OSBPL2: variants seen among roughly 807,000 people sequenced by gnomAD.
OSBPL2 encodes oxysterol-binding protein-related protein 2.
A neutral mutation model predicts 58.4 loss-of-function variants in OSBPL2; 18 were observed. The observed-to-expected ratio is 0.31, with a 90% CI of 0.21 to 0.46. The LOEUF is 0.46. Among genes scored for constraint, OSBPL2 ranks in the 20% least tolerant of loss-of-function variants. OSBPL2 has a pLI of 1.00. For synonymous variants in OSBPL2, 221 were observed against 234.1 expected, an observed-to-expected ratio of 0.94 and a Z score of 0.51; for missense variants, 461 against 616.5, an observed-to-expected ratio of 0.75 and a Z score of 2.67.
At position 62,288,762 on chromosome 20, in the gene OSBPL2, G is replaced by T. The variant is rs1983304852; in HGVS notation, c.1126-445G>T. ...TACCCTAAGCATTCCAGTTGTTAAT[G>T]TGACAAATTAACTTGCTCCAGGGCT... is the stretch of plus-strand genomic sequence containing the variant. On this transcript the variant is annotated intron_variant, in intron 11 of 13. Coordinates refer to ENST00000313733, the MANE Select transcript of OSBPL2 (RefSeq NM_144498.4). This position sits in a 1 kb window ranked among gnomAD's most constrained non-coding sequence, Gnocchi z 4.8. Among the ~76,000 whole-genome samples the T allele has an allele frequency of 6.6e-6, 1 of 152,178 alleles. No homozygotes were observed. Among genetic ancestry groups the T allele is most frequent in the South Asian group, 2.1e-4 (1 of 4,834 alleles).
chr20:62,271,859 G>A (rs1049179215), intron 4 of OSBPL2: 18 of 415,628 alleles, frequency 4.3e-5, no homozygotes, highest in Admixed American at 1.7e-4. Context: ...ATGGGGCGGT[G>A]GGCTGGGGAG....
rs143116125 is a variant in OSBPL2 at position 62,260,071 on chromosome 20, G to T, written c.128G>T (p.Arg43Met). The T allele has an allele frequency of 1.1e-4, 183 of 1,613,880 alleles. No individual in the cohort carries two copies. The highest frequency in any genetic ancestry group is 1.5e-4 in the Non-Finnish European group (177 of 1,179,916). ...MIDLDTSKNN[R>M]IGKTGERPSQ... is the part of the protein sequence containing the mutation. ...GACTTAGACACCAGCAAAAATAATAGGATTGGGAAAACTGGGGAGAGGCCC... is the reference window on the plus strand; with the variant it reads ...GACTTAGACACCAGCAAAAATAATATGATTGGGAAAACTGGGGAGAGGCCC... The change falls in exon 3 of 14, where the codon AGG becomes ATG. Residue 43 changes from arginine (R) to methionine (M), a missense_variant. By Grantham distance (91) the Arg-to-Met change is moderately conservative. Transcript: ENST00000313733.
At position 62,281,113 on chromosome 20, in the gene OSBPL2, A is replaced by G. The variant is rs1382162226; in HGVS notation, c.730A>G (p.Ile244Val). 11 of 1,614,086 alleles carry G rather than the reference A, an allele frequency of 6.8e-6. No individual in the cohort carries two copies. The highest frequency in any genetic ancestry group is 1.3e-5 in the African/African-American group (1 of 74,942). Residue 244 changes from isoleucine to valine, a missense_variant, in exon 8 of 14, where the codon ATC becomes GTC. Physicochemically the swap from Ile to Val is conservative, Grantham distance 29. Around this residue, in one of 5 missense-constraint regions of OSBPL2, gnomAD observed 319 missense variants for 419.2 expected, o/e 0.76. Transcript: ENST00000313733. ...NPTCCVHNVI[I>V]GKLWIEQYGT... is the part of the protein sequence containing the mutation. ...CACCTGCTGCGTCCACAACGTCATC[A>G]TCGGGAAGCTGTGGATAGAGCAGTA...
chr20:62,289,430 T>C, intron 12 of OSBPL2, 100 bp downstream of exon 12: 1 of 1,395,562 alleles, frequency 7.2e-7, no homozygotes, highest in Non-Finnish European at 9.7e-7. Flanking sequence ...GGCTCTCGCC[T>C]ACAAGGGGAG....
chr20:62,275,075 G>C (rs1322190064), intron 6 of OSBPL2, among the ~76,000 whole-genome samples: 1 of 152,138 alleles, frequency 6.6e-6, no homozygotes, highest in African/African-American at 2.4e-5. Context: ...TAGCTGGCTG[G>C]GCTCACGCCT....
intron 4 of OSBPL2, among the ~76,000 whole-genome samples, chr20:62,268,219 C>T (rs1981823750): frequency 6.6e-6 from 1 of 152,064 alleles, no homozygotes; most frequent in Non-Finnish European, 1.5e-5. Flanking sequence ...TTTAAAACCA[C>T]CTGGGTGCTT....
chr20:62,257,365 C>T (rs760360007), intron 2 of OSBPL2, among the ~76,000 whole-genome samples: 39 of 152,232 alleles, frequency 2.6e-4, no homozygotes, highest in Non-Finnish European at 4.6e-4. Flanking sequence ...TTATCCAAAA[C>T]CCCAGGAGAA....
intron 12 of OSBPL2, among the ~76,000 whole-genome samples, chr20:62,290,411 G>GTTTTTTTTTTTTTT (rs3065795): frequency 1.3e-5 from 1 of 76,376 alleles, no homozygotes; most frequent in Non-Finnish European, 2.3e-5. Context: ...AATTTTTTGG[G>GTTTTTTTTTTTTTT]TTTTTTTTTT....
intron 2 of OSBPL2, 48 bp from the exon 3 acceptor site, chr20:62,259,933 A>G (rs1981182672): frequency 6.3e-7 from 1 of 1,588,314 alleles, no homozygotes; most frequent in African/African-American, 1.4e-5. Flanking sequence ...AGGCTTTTAA[A>G]AAATCTTTCA....
intron 2 of OSBPL2, among the ~76,000 whole-genome samples, chr20:62,257,514 T>C (rs1160075191): frequency 6.6e-6 from 1 of 152,164 alleles, no homozygotes; most frequent in Non-Finnish European, 1.5e-5. Flanking sequence ...AACTCATCCA[T>C]GGTGGTTCTG....
At position 62,252,556 on chromosome 20, in the gene OSBPL2, C is replaced by T. The variant is rs1351240349; in HGVS notation, c.-128-3501C>T. On this transcript the variant is annotated intron_variant, in intron 1 of 13. Coordinates refer to ENST00000313733, the MANE Select transcript of OSBPL2 (RefSeq NM_144498.4). ...GAGGCCAGCTCTGCTGGGCGAGGTG[C>T]CAGGGGTCCGGGTGCTGCTGCTGAG... is the stretch of plus-strand genomic sequence containing the variant. 5.3e-5 allele frequency among the ~76,000 whole-genome samples: 8 copies of T among 152,200 alleles called. 1 individual carries two copies. The highest frequency in any genetic ancestry group is 4.4e-5 in the Non-Finnish European group (3 of 68,044).
chr20:62,265,136 A>G (rs953767336), intron 4 of OSBPL2, among the ~76,000 whole-genome samples: 1 of 152,126 alleles, frequency 6.6e-6, no homozygotes, highest in African/African-American at 2.4e-5. Context: ...TTTTACTGAA[A>G]TCATTCTAAT....
rs4925226 is a variant in OSBPL2, at chr20:62,284,430, A to G, written c.996+261A>G. On this transcript the variant is annotated intron_variant, in intron 10 of 13. Coordinates refer to ENST00000313733, the MANE Select transcript of OSBPL2 (RefSeq NM_144498.4). ...CTCCCTCTGTTGCCCAGGCTGGAGTACAGTGGTGCAGTCATAACTCACTGC... is the reference window on the plus strand; with the variant it reads ...CTCCCTCTGTTGCCCAGGCTGGAGTGCAGTGGTGCAGTCATAACTCACTGC... The G allele has an allele frequency of 0.99, 454,362 of 459,046 alleles. 224,980 individuals carry two copies. The highest frequency in any genetic ancestry group is 1 in the Non-Finnish European group (249,477 of 249,692). 28.4% of individuals were successfully genotyped at this position (459,046 alleles called of 1,614,324 possible). A position where few individuals can be genotyped will look rare whatever the true frequency, so the allele number is the denominator to read the frequency against.
At chr20:62,241,210 G>A (rs564800868) in intron 1 of OSBPL2, among the ~76,000 whole-genome samples, 5 of 151,242 alleles carry the variant, frequency 3.3e-5, no homozygotes, top group South Asian at 4.2e-4. Context: ...TCGCTCTGTC[G>A]CCCAGGCTGG....
In OSBPL2 at chr20:62,294,221, A is replaced by C. The variant is rs879594453; in HGVS notation, c.*334A>C. ...ACTCTCAGTCATAGCATGTGTAGCTAAAGGAAGTAATGGGAAGGGGTTCAT... is the reference window on the plus strand; with the variant it reads ...ACTCTCAGTCATAGCATGTGTAGCTCAAGGAAGTAATGGGAAGGGGTTCAT... On this transcript the variant is annotated 3_prime_UTR_variant, in exon 14 of 14. Coordinates refer to ENST00000313733, the MANE Select transcript of OSBPL2 (RefSeq NM_144498.4). 3 of 340,546 alleles carry C rather than the reference A, an allele frequency of 8.8e-6. No homozygotes were observed. Among genetic ancestry groups the C allele is most frequent in the African/African-American group, 2.2e-5 (1 of 46,058 alleles). The allele number at this position is 340,546 out of a possible 1,614,324, so 21.1% of individuals were successfully genotyped here.
At chr20:62,263,741 G>C in intron 4 of OSBPL2, 50 bp downstream of exon 4, 1 of 1,514,082 alleles carries the variant, frequency 6.6e-7, no homozygotes, top group African/African-American at 1.4e-5. Flanking sequence ...ACTGACTCCT[G>C]GGAAGGTATT....
chr20:62,267,702 G>A (rs1437441823), intron 4 of OSBPL2, among the ~76,000 whole-genome samples: 2 of 152,126 alleles, frequency 1.3e-5, no homozygotes, highest in Non-Finnish European at 2.9e-5. Context: ...CCAGTTTTCT[G>A]CAGCCCTGGC....
rs2145962492 is a variant in OSBPL2 at position 62,279,183 on chromosome 20, C to T, written c.518C>T (p.Ser173Leu). 1 of 1,612,986 alleles carries T rather than the reference C, an allele frequency of 6.2e-7. No homozygotes were observed. Among genetic ancestry groups the T allele is most frequent in the Non-Finnish European group, 8.5e-7 (1 of 1,179,460 alleles). Reference sequence around the variant, plus strand: ...GAAGATTTAGGATTCAGATTTATATCGGAACAGGTCAGTCACCACCCCCCC... The same window carrying T: ...GAAGATTTAGGATTCAGATTTATATTGGAACAGGTCAGTCACCACCCCCCC... ...IREDLGFRFI[S>L]EQVSHHPPIS... Residue 173 changes from serine (S) to leucine (L), a missense_variant, in exon 7 of 14, where the codon TCG (serine) becomes TTG (leucine). Coordinates refer to ENST00000313733, the MANE Select transcript of OSBPL2 (RefSeq NM_144498.4).
intron 1 of OSBPL2, among the ~76,000 whole-genome samples, chr20:62,249,805 C>T (rs1391469476): frequency 6.6e-6 from 1 of 152,124 alleles, no homozygotes; most frequent in East Asian, 1.9e-4. Flanking sequence ...AACTCCCGAC[C>T]TCAGGTGATC....
Sources: allele counts gnomAD v4.1 joint callset (sites outside exome capture counted in the v4.1 genomes callset), GRCh38; gene constraint gnomAD v4.1.1; regional missense constraint gnomAD v4.1.1; non-coding constraint Gnocchi (gnomAD v3.1); transcripts MANE v1.5; gene names NCBI Gene and HGNC (gene_info 2026-07-23, HGNC 2026-07-21).